GPC6: variants seen among roughly 807,000 people sequenced by gnomAD.
GPC6 encodes the protein glypican 6.
GPC6 carries 14 observed loss-of-function variants against 55.2 expected under a neutral mutation model. The ratio of observed to expected loss-of-function variants is 0.25; its 90% CI spans 0.17 to 0.40. GPC6 has a LOEUF of 0.40. Ranked by LOEUF, GPC6 falls within the 10% of genes least tolerant of loss-of-function variation. The pLI is 1.00. For missense variants in GPC6, 641 were observed against 708.5 expected, an observed-to-expected ratio of 0.90 and a Z score of 1.08; for synonymous variants, 278 against 259.6, an observed-to-expected ratio of 1.07 and a Z score of -0.68.
At chr13:93,895,362 G>A (rs1246074686) in intron 3 of GPC6, among the ~76,000 whole-genome samples, 1 of 149,662 alleles carries the variant, frequency 6.7e-6, no homozygotes, top group Non-Finnish European at 1.5e-5. Flanking sequence ...GATTTATGAG[G>A]TAAATAAGTT....
At chr13:93,715,379 A>G (rs562443160) in intron 2 of GPC6, among the ~76,000 whole-genome samples, 22 of 151,774 alleles carry the variant, frequency 1.4e-4, no homozygotes, top group African/African-American at 5.3e-4. Context: ...AAAAACCAAT[A>G]TTCTCACTTG....
At chr13:93,549,679 C>T (rs1260505952) in intron 2 of GPC6, among the ~76,000 whole-genome samples, 2 of 152,056 alleles carry the variant, frequency 1.3e-5, no homozygotes, top group African/African-American at 4.8e-5. Flanking sequence ...CCCTCTATCT[C>T]ACCCTGCTGG....
chr13:93,471,237 G>A (rs12874465), intron 1 of GPC6, among the ~76,000 whole-genome samples: 8,847 of 151,846 alleles, frequency 0.058, 333 homozygotes, highest in Non-Finnish European at 0.078. Context: ...CATTTAGGCC[G>A]GGTGCAGTGG....
At chr13:93,507,857 A>T (rs142390674) in intron 1 of GPC6, among the ~76,000 whole-genome samples, 1 of 152,100 alleles carries the variant, frequency 6.6e-6, no homozygotes, top group Non-Finnish European at 1.5e-5. Flanking sequence ...TCTACCAACT[A>T]CTGTGCTTAC....
intron 4 of GPC6, among the ~76,000 whole-genome samples, chr13:94,218,465 C>T (rs1890286197): frequency 6.6e-6 from 1 of 152,154 alleles, no homozygotes; most frequent in African/African-American, 2.4e-5. Context: ...ACTTCTTTGA[C>T]AAAGACTTGT....
intron 5 of GPC6, among the ~76,000 whole-genome samples, chr13:94,300,375 A>G (rs1171800111): frequency 1.3e-5 from 2 of 152,224 alleles, no homozygotes; most frequent in Admixed American, 1.3e-4. Context: ...ATATTTTTAA[A>G]GGAAAAATAC....
At chr13:94,378,158 G>T (rs1399859706) in intron 6 of GPC6, among the ~76,000 whole-genome samples, 2 of 151,980 alleles carry the variant, frequency 1.3e-5, no homozygotes, top group African/African-American at 4.8e-5. Context: ...TAACTAACCT[G>T]CACAATGTGC....
chr13:93,428,682 T>A (rs550469415), intron 1 of GPC6, among the ~76,000 whole-genome samples: 1 of 152,288 alleles, frequency 6.6e-6, no homozygotes, highest in African/African-American at 2.4e-5. Context: ...ATAGGGATAT[T>A]AGATCATCTC....
chr13:94,097,595 T>A (rs1333828516), intron 4 of GPC6, among the ~76,000 whole-genome samples: 1 of 152,042 alleles, frequency 6.6e-6, no homozygotes, highest in Non-Finnish European at 1.5e-5. Context: ...TGGAGATCTG[T>A]CTCACAACAA....
intron 1 of GPC6, among the ~76,000 whole-genome samples, chr13:93,406,155 A>G (rs1334591989): frequency 6.6e-6 from 1 of 152,226 alleles, no homozygotes; most frequent in Non-Finnish European, 1.5e-5. Context: ...CTTGGTGGAA[A>G]GAGTGATGAA....
chr13:94,389,779 A>G (rs1458591768), intron 7 of GPC6, among the ~76,000 whole-genome samples: 1 of 152,152 alleles, frequency 6.6e-6, no homozygotes, highest in Admixed American at 6.5e-5. Context: ...TGAGTCAGTC[A>G]TTTCCAGACT....
chr13:94,399,232 T>C (rs904209847), intron 8 of GPC6, among the ~76,000 whole-genome samples: 3 of 152,144 alleles, frequency 2.0e-5, no homozygotes, highest in Non-Finnish European at 4.4e-5. Context: ...TCCCTCTCTA[T>C]CCAGCTATGC....
At chr13:94,128,489 C>T (rs1234817910) in intron 4 of GPC6, among the ~76,000 whole-genome samples, 2 of 152,068 alleles carry the variant, frequency 1.3e-5, no homozygotes, top group Non-Finnish European at 2.9e-5. Flanking sequence ...CAGGTGGGGA[C>T]GCTACACTTG....
chr13:94,084,379 A>G (rs1034618833), intron 4 of GPC6, among the ~76,000 whole-genome samples: 5 of 152,154 alleles, frequency 3.3e-5, no homozygotes, highest in African/African-American at 1.2e-4. Context: ...TTCATTATAT[A>G]TATTCTATTT....
intron 6 of GPC6, among the ~76,000 whole-genome samples, chr13:94,347,855 T>C (rs531515606): frequency 1.3e-5 from 2 of 152,232 alleles, no homozygotes; most frequent in African/African-American, 4.8e-5. Flanking sequence ...TGGGATAGTT[T>C]GGGTGAAACC....
intron 3 of GPC6, among the ~76,000 whole-genome samples, chr13:93,991,056 T>C (rs1881283789): frequency 6.6e-6 from 1 of 151,364 alleles, no homozygotes; most frequent in South Asian, 2.1e-4. Context: ...ACTTCATTGA[T>C]TTTTTTTTCT....
At chr13:94,137,132 T>C (rs997671941) in intron 4 of GPC6, among the ~76,000 whole-genome samples, 4 of 152,166 alleles carry the variant, frequency 2.6e-5, no homozygotes, top group African/African-American at 9.7e-5. Context: ...ACTGAGGAGT[T>C]AGAGAAATTT....
At chr13:93,584,575 C>G (rs1401022575) in intron 2 of GPC6, among the ~76,000 whole-genome samples, 1 of 151,582 alleles carries the variant, frequency 6.6e-6, no homozygotes, top group African/African-American at 2.4e-5. Context: ...TAAAGAAAAG[C>G]TCTTGGGGTC....
intron 2 of GPC6, among the ~76,000 whole-genome samples, chr13:93,580,930 A>C (rs1876906697): frequency 6.6e-6 from 1 of 152,184 alleles, no homozygotes; most frequent in Non-Finnish European, 1.5e-5. Context: ...CTTACCATAT[A>C]ATTAAATATA....
Sources: gnomAD v4.1 joint callset for allele counts (sites outside exome capture counted in the v4.1 genomes callset) on GRCh38, gnomAD v4.1.1 for gene constraint, MANE v1.5 for transcripts, NCBI Gene and HGNC (gene_info 2026-07-23, HGNC 2026-07-21) for gene names.